The following MACROD2 variants were observed in gnomAD, a reference collection of about 807,000 sequenced individuals.
MACROD2 encodes mono-ADP ribosylhydrolase 2, also known as ADP-ribose glycohydrolase MACROD2.
A neutral mutation model predicts 70.4 loss-of-function variants in MACROD2; 36 were observed. That is an observed-to-expected ratio of 0.51 (90% CI 0.39 to 0.68). The LOEUF (loss-of-function observed/expected upper bound fraction) is 0.68. Among genes scored for constraint, MACROD2 ranks in the 30% least tolerant of loss-of-function variants. MACROD2 has a pLI of 0.00. For synonymous variants in MACROD2, 172 were observed against 178.8 expected, an observed-to-expected ratio of 0.96 and a Z score of 0.30; for missense variants, 496 against 538.4, an observed-to-expected ratio of 0.92 and a Z score of 0.78.
chr20:15,581,572 T>A (rs2048524624), intron 8 of MACROD2, among the ~76,000 whole-genome samples: 1 of 152,218 alleles, frequency 6.6e-6, no homozygotes, highest in African/African-American at 2.4e-5. Flanking sequence ...TAAGGCGTTA[T>A]GGAGGCAGTA....
At chr20:15,037,095 A>G (rs970605554) in intron 5 of MACROD2, among the ~76,000 whole-genome samples, 1 of 152,132 alleles carries the variant, frequency 6.6e-6, no homozygotes, top group Admixed American at 6.5e-5. Flanking sequence ...GAGTAGCTCC[A>G]GTAGCTCGAT....
chr20:15,467,792 G>A (rs1424083043), intron 7 of MACROD2, among the ~76,000 whole-genome samples: 2 of 152,208 alleles, frequency 1.3e-5, no homozygotes, highest in Admixed American at 1.3e-4. Context: ...CTGCTACCAA[G>A]TGCCAGGTAC....
chr20:15,637,987 G>C (rs908577723), intron 8 of MACROD2, among the ~76,000 whole-genome samples: 1 of 152,166 alleles, frequency 6.6e-6, no homozygotes, highest in Non-Finnish European at 1.5e-5. Context: ...CATGCTGTCG[G>C]CTATAAACTC....
chr20:15,153,557 T>C (rs2076286487), intron 5 of MACROD2, among the ~76,000 whole-genome samples: 1 of 152,134 alleles, frequency 6.6e-6, no homozygotes, highest in Non-Finnish European at 1.5e-5. Context: ...AAATAAGGTA[T>C]GAACTCACAA....
At chr20:14,124,963 T>C (rs2054630332) in intron 3 of MACROD2, among the ~76,000 whole-genome samples, 1 of 152,198 alleles carries the variant, frequency 6.6e-6, no homozygotes, top group Non-Finnish European at 1.5e-5. Flanking sequence ...TGAAATATTA[T>C]TGAGCTATAG....
chr20:14,320,198 A>G (rs148209378), intron 3 of MACROD2, among the ~76,000 whole-genome samples: 1 of 152,264 alleles, frequency 6.6e-6, no homozygotes, highest in East Asian at 1.9e-4. Flanking sequence ...TGCCTCACCA[A>G]CATTCTACTT....
At chr20:15,285,004 C>T (rs530518521) in intron 6 of MACROD2, among the ~76,000 whole-genome samples, 9 of 152,230 alleles carry the variant, frequency 5.9e-5, no homozygotes, top group East Asian at 5.8e-4. Context: ...GGTTTGCTGA[C>T]GGCAGCAGGT....
At chr20:15,132,040 T>C (rs1334589514) in intron 5 of MACROD2, among the ~76,000 whole-genome samples, 1 of 151,968 alleles carries the variant, frequency 6.6e-6, no homozygotes, top group African/African-American at 2.4e-5. Flanking sequence ...GGTAAACAGT[T>C]AAATGCTAAC....
chr20:15,417,701 A>G (rs1489748690), intron 6 of MACROD2, among the ~76,000 whole-genome samples: 1 of 151,844 alleles, frequency 6.6e-6, no homozygotes, highest in African/African-American at 2.4e-5. Flanking sequence ...GTTGTTCGAA[A>G]TGCAAATTCT....
chr20:14,132,977 G>C (rs746762809), intron 3 of MACROD2, among the ~76,000 whole-genome samples: 7 of 151,992 alleles, frequency 4.6e-5, no homozygotes, highest in Non-Finnish European at 8.8e-5. Context: ...TATCAGTCAG[G>C]GTTCTCCAGA....
At chr20:16,040,141 C>T (rs775132) in intron 15 of MACROD2, among the ~76,000 whole-genome samples, 112,260 of 151,778 alleles carry the variant, frequency 0.74, 42,996 homozygotes, top group Non-Finnish European at 0.83. Flanking sequence ...AATTAATGAC[C>T]TCTCTGCCAT....
intron 4 of MACROD2, among the ~76,000 whole-genome samples, chr20:14,629,147 TTG>T (rs144773473): frequency 3.3e-5 from 5 of 150,794 alleles, no homozygotes; most frequent in Admixed American, 6.6e-5. Flanking sequence ...TAGAGGACTT[TTG>T]TGTGTGTGTG....
At chr20:15,288,851 A>C (rs1320980631) in intron 6 of MACROD2, among the ~76,000 whole-genome samples, 1 of 138,392 alleles carries the variant, frequency 7.2e-6, no homozygotes, top group South Asian at 2.4e-4. Flanking sequence ...CTGTCTCTCT[A>C]TATGTCTGTC....
intron 5 of MACROD2, among the ~76,000 whole-genome samples, chr20:15,182,800 G>C (rs968057131): frequency 1.3e-5 from 2 of 152,120 alleles, no homozygotes; most frequent in Non-Finnish European, 2.9e-5. Flanking sequence ...CGCTGACATG[G>C]AGGTACTCTA....
At chr20:15,575,932 C>T (rs1206235415) in intron 8 of MACROD2, among the ~76,000 whole-genome samples, 2 of 152,154 alleles carry the variant, frequency 1.3e-5, no homozygotes, top group Non-Finnish European at 2.9e-5. Flanking sequence ...TATTTTAAAA[C>T]ACATTTCAAT....
chr20:16,043,173 T>C (rs1234537694), intron 16 of MACROD2, among the ~76,000 whole-genome samples: 1 of 152,052 alleles, frequency 6.6e-6, no homozygotes, highest in Non-Finnish European at 1.5e-5. Flanking sequence ...AAGCATGCTC[T>C]GATTGGAGGT....
intron 4 of MACROD2, among the ~76,000 whole-genome samples, chr20:14,564,316 A>G (rs1275284303): frequency 6.6e-6 from 1 of 151,906 alleles, no homozygotes; most frequent in Non-Finnish European, 1.5e-5. Flanking sequence ...CTAAGTCCTC[A>G]GAAAAACAAC....
At chr20:14,713,943 A>G (rs6110405) in intron 5 of MACROD2, among the ~76,000 whole-genome samples, 80,803 of 151,956 alleles carry the variant, frequency 0.53, 21,937 homozygotes, top group Non-Finnish European at 0.59. Flanking sequence ...AGACAGGGAG[A>G]ACAGAGGTGG....
intron 2 of MACROD2, among the ~76,000 whole-genome samples, chr20:14,032,051 A>T (rs188678797): frequency 3.3e-5 from 5 of 152,188 alleles, no homozygotes; most frequent in Non-Finnish European, 5.9e-5. Context: ...ATGTACTCAT[A>T]TATAGTATTT....
Sources: gnomAD v4.1 joint callset for allele counts (sites outside exome capture counted in the v4.1 genomes callset) on GRCh38, gnomAD v4.1.1 for gene constraint, MANE v1.5 for transcripts, NCBI Gene and HGNC (gene_info 2026-07-23, HGNC 2026-07-21) for gene names.